The following DPP10 variants were observed in gnomAD, a reference collection of about 807,000 sequenced individuals.
DPP10 encodes the protein inactive dipeptidyl peptidase 10.
In DPP10, 33 loss-of-function variants were observed where a neutral mutation model predicts 120.9. The ratio of observed to expected loss-of-function variants is 0.27; its 90% CI spans 0.21 to 0.37. The LOEUF is 0.37. Ranked by LOEUF, DPP10 falls within the 10% of genes least tolerant of loss-of-function variation. The probability of loss-of-function intolerance (pLI) is 1.00; values close to 1 mark genes in which losing one functional copy is unlikely to be tolerated. For synonymous variants in DPP10, 337 were observed against 326.1 expected (o/e 1.03, Z -0.36); for missense variants, 816 against 942.8 (o/e 0.87, Z 1.76).
rs545266261 is a variant in DPP10, at chr2:115,817,141, G to A, written c.1950+1412G>A. 2.4e-4 allele frequency among the ~76,000 whole-genome samples: 37 copies of A among 151,802 alleles called. No homozygotes were observed. In the South Asian group the frequency reaches 5.2e-3, roughly 21 times the overall value. ...CGGGCGCCTGTAGTCCCAGCTACTCGGGAAGCTGAGGCAGGAGAATGGCTG... is the reference window on the plus strand; with the variant it reads ...CGGGCGCCTGTAGTCCCAGCTACTCAGGAAGCTGAGGCAGGAGAATGGCTG... On this transcript the variant is annotated intron_variant, in intron 21 of 25. Transcript: ENST00000410059.
intron 1 of DPP10, among the ~76,000 whole-genome samples, chr2:115,134,832 T>C (rs1451134629): frequency 6.6e-6 from 1 of 152,040 alleles, no homozygotes; most frequent in Non-Finnish European, 1.5e-5. Flanking sequence ...AATTTTAAGC[T>C]CATGAAAAAG....
At chr2:115,741,866 GACAA>G (rs766848053) in intron 9 of DPP10, among the ~76,000 whole-genome samples, 21 of 152,024 alleles carry the variant, frequency 1.4e-4, no homozygotes, top group Non-Finnish European at 2.2e-4. Context: ...ACTAGATTGA[GACAA>G]ACAAACAAAC....
intron 1 of DPP10, among the ~76,000 whole-genome samples, chr2:114,989,919 C>G (rs1359325423): frequency 4.6e-5 from 7 of 152,134 alleles, no homozygotes; most frequent in African/African-American, 1.7e-4. Context: ...GTTTATTAGT[C>G]TATTCATTCC....
chr2:114,888,094 G>C (rs990750144), intron 1 of DPP10, among the ~76,000 whole-genome samples: 2 of 150,964 alleles, frequency 1.3e-5, no homozygotes, highest in Non-Finnish European at 2.9e-5. Context: ...AGTGAGCCGA[G>C]GTCGTGCTGC....
In DPP10 at chr2:115,311,141, C is replaced by T. The variant is rs141300707; in HGVS notation, c.175+1788C>T. Among the ~76,000 whole-genome samples the T allele has an allele frequency of 5.1e-3, 774 of 152,290 alleles. 3 individuals carry two copies. Among genetic ancestry groups the T allele is most frequent in the Non-Finnish European group, 8.2e-3 (561 of 68,016 alleles). ...ATTCATTTGTTAAAGCAAGAACAAG[C>T]GTGACATACCTGAGTTTGAGTTCTG... On this transcript the variant is annotated intron_variant, in intron 2 of 25. Coordinates refer to ENST00000410059, the MANE Select transcript of DPP10 (RefSeq NM_020868.6).
At chr2:115,477,436 G>C (rs1009801877) in intron 3 of DPP10, among the ~76,000 whole-genome samples, 5 of 151,966 alleles carry the variant, frequency 3.3e-5, no homozygotes, top group African/African-American at 1.2e-4. Flanking sequence ...AAATATTTAA[G>C]AATTTAGTTA....
At chr2:115,085,360 T>G (rs1708607356) in intron 1 of DPP10, among the ~76,000 whole-genome samples, 1 of 152,120 alleles carries the variant, frequency 6.6e-6, no homozygotes, top group Admixed American at 6.5e-5. Context: ...CCATTCTAAT[T>G]ACTGGAAACC....
At chr2:115,490,673 C>A (rs2076059120) in intron 3 of DPP10, among the ~76,000 whole-genome samples, 1 of 152,048 alleles carries the variant, frequency 6.6e-6, no homozygotes, top group African/African-American at 2.4e-5. Flanking sequence ...ATTAACAATG[C>A]TAAGTTTAAA....
intron 1 of DPP10, among the ~76,000 whole-genome samples, chr2:114,815,803 C>G (rs1449529676): frequency 6.6e-6 from 1 of 151,956 alleles, no homozygotes; most frequent in African/African-American, 2.4e-5. Flanking sequence ...AAGTAGTAGC[C>G]AGCCTCTGGG....
chr2:115,736,862 G>A (rs2149679087), intron 8 of DPP10, among the ~76,000 whole-genome samples: 1 of 152,146 alleles, frequency 6.6e-6, no homozygotes, highest in South Asian at 2.1e-4. Flanking sequence ...CGATTCACTT[G>A]TTTTTCCTAA....
rs10190138 is a variant in DPP10, at chr2:114,704,932, A to G, written c.60+262094A>G. On this transcript the variant is annotated intron_variant, in intron 1 of 25. Transcript: ENST00000410059. The stretch of plus-strand genomic sequence containing the variant: ...AAGAGAGAGTGCACATCTATAGGAA[A>G]GACTATCTGAGGACACAGTGAGAAG... Among the ~76,000 whole-genome samples, 959 of 152,296 alleles carry G rather than the reference A, an allele frequency of 6.3e-3. 8 individuals carry two copies. The highest frequency in any genetic ancestry group is 0.022 in the African/African-American group (911 of 41,566).
At chr2:114,807,184 AC>A (rs1429116413) in intron 1 of DPP10, among the ~76,000 whole-genome samples, 5 of 152,248 alleles carry the variant, frequency 3.3e-5, no homozygotes, top group Non-Finnish European at 7.3e-5. Context: ...AATAAATAGA[AC>A]ATTATCTTTA....
rs74581554 is a variant in DPP10 at position 114,667,644 on chromosome 2, G to A, written c.60+224806G>A. On this transcript the variant is annotated intron_variant, in intron 1 of 25. Transcript: ENST00000410059. ...TATTCATGCTTGGCAAATCCCCCTC[G>A]GGTGTACTAATATTGCTCAAATAGA... Among the ~76,000 whole-genome samples the A allele has an allele frequency of 3.9e-3, 600 of 152,234 alleles. 23 individuals carry two copies. In the East Asian group the frequency reaches 0.082, roughly 21 times the overall value.
At chr2:114,651,931 G>A (rs150992282) in intron 1 of DPP10, among the ~76,000 whole-genome samples, 143 of 152,242 alleles carry the variant, frequency 9.4e-4, no homozygotes, top group African/African-American at 3.3e-3. Context: ...GTGCTTGCCC[G>A]GAAGATGACG....
intron 3 of DPP10, among the ~76,000 whole-genome samples, chr2:115,389,220 C>G (rs1410099631): frequency 1.3e-5 from 2 of 151,940 alleles, no homozygotes; most frequent in Admixed American, 6.6e-5. Flanking sequence ...ACAGCTGCAA[C>G]ATTCCCTCTG....
chr2:115,522,759 C>T (rs2077893190), intron 4 of DPP10, among the ~76,000 whole-genome samples: 1 of 152,066 alleles, frequency 6.6e-6, no homozygotes, highest in Non-Finnish European at 1.5e-5. Flanking sequence ...ATTACTTTTG[C>T]ATCCTTTCAT....
chr2:115,637,357 G>A (rs906599298), intron 5 of DPP10, among the ~76,000 whole-genome samples: 2 of 152,092 alleles, frequency 1.3e-5, no homozygotes, highest in African/African-American at 4.8e-5. Flanking sequence ...AGTTTGAAGA[G>A]GGGTAAGTTA....
At chr2:115,468,341 T>C (rs1269671089) in intron 3 of DPP10, 1 of 513,788 alleles carries the variant, frequency 1.9e-6, no homozygotes, top group Non-Finnish European at 3.9e-6. Flanking sequence ...CTGGAGCAAC[T>C]CCAATTGCTG....
chr2:115,224,106 G>C (rs946744075), intron 1 of DPP10, among the ~76,000 whole-genome samples: 2 of 152,050 alleles, frequency 1.3e-5, no homozygotes, highest in Non-Finnish European at 2.9e-5. Flanking sequence ...ATAGAAAACA[G>C]TCATCAGGTA....
Sources: gnomAD v4.1 joint callset for allele counts (sites outside exome capture counted in the v4.1 genomes callset) on GRCh38, gnomAD v4.1.1 for gene constraint, MANE v1.5 for transcripts, NCBI Gene and HGNC (gene_info 2026-07-23, HGNC 2026-07-21) for gene names.